The following ROS1 variants were observed in gnomAD, a reference collection of about 807,000 sequenced individuals.
ROS1 encodes proto-oncogene tyrosine-protein kinase ROS.
In ROS1, 263 loss-of-function variants were observed where a neutral mutation model predicts 273.5. The observed-to-expected ratio is 0.96, with a 90% confidence interval of 0.87 to 1.06. The LOEUF is 1.06. Among genes scored for constraint, ROS1 ranks in the 50% least tolerant of loss-of-function variants. The pLI is 0.00. For synonymous variants in ROS1, 1,008 were observed against 954.1 expected (o/e 1.06, Z -1.04); for missense variants, 2,833 against 2,751.1 (o/e 1.03, Z -0.67).
rs113151724 is a variant in ROS1 at position 117,359,782 on chromosome 6, T to C, written c.3633+27A>G. On this transcript the variant is annotated intron_variant, in intron 24 of 43. Transcript: ENST00000368507. ...ATATGCAAATACTTCACTTCCTTTA[T>C]TTCGGAAGAATTACATAGTGAAATA... 9.6e-3 allele frequency: 15,179 copies of C among 1,589,294 alleles called. 86 individuals are homozygous for C. The highest frequency in any genetic ancestry group is 0.012 in the Non-Finnish European group (13,450 of 1,158,386).
At chr6:117,397,557 C>G (rs1322299048) in intron 7 of ROS1, among the ~76,000 whole-genome samples, 1 of 152,138 alleles carries the variant, frequency 6.6e-6, no homozygotes. Flanking sequence ...GGCAGCCTTG[C>G]TGGTTCCAGC....
intron 43 of ROS1, among the ~76,000 whole-genome samples, chr6:117,298,533 A>G (rs1020372788): frequency 1.3e-4 from 20 of 152,190 alleles, no homozygotes; most frequent in Non-Finnish European, 2.2e-4. Flanking sequence ...TAAAGTTTCC[A>G]TATGTGAAGT....
chr6:117,393,024 AAG>A (rs1391505803), intron 12 of ROS1, among the ~76,000 whole-genome samples, 198 bp downstream of exon 12: 1 of 152,202 alleles, frequency 6.6e-6, no homozygotes, highest in African/African-American at 2.4e-5. Flanking sequence ...ACTACTTTAT[AAG>A]AGTTGATTTA....
intron 32 of ROS1, among the ~76,000 whole-genome samples, chr6:117,334,254 A>G (rs1233502620): frequency 6.6e-6 from 1 of 152,174 alleles, no homozygotes; most frequent in African/African-American, 2.4e-5. Context: ...AATAGCTACA[A>G]AGAGAATAAA....
At chr6:117,376,087 A>C (rs1213992602) in intron 18 of ROS1, among the ~76,000 whole-genome samples, 1 of 152,094 alleles carries the variant, frequency 6.6e-6, no homozygotes, top group African/African-American at 2.4e-5. Flanking sequence ...ATCAGAAAAA[A>C]ATCAATAATG....
rs1774090997 is a variant in ROS1 at position 117,403,146 on chromosome 6, A to G, written c.597T>C (p.Pro199=). 6.2e-7 allele frequency: 1 copy of G among 1,613,964 alleles called. No homozygotes were observed. Among genetic ancestry groups the G allele is most frequent in the Non-Finnish European group, 8.5e-7 (1 of 1,179,938 alleles). Residue 199 remains proline (P), a synonymous_variant, in exon 7 of 44, where the codon CCT becomes CCC. Coordinates refer to ENST00000368507, the MANE Select transcript of ROS1 (RefSeq NM_001378902.1). ...AATGTGTGCACACCATACCTCCATG[A>G]GGATGAGTCCTGTAACTGGGACTTG... ...SPPSPSYRTH[P]HGVPETAPLI... is the part of the protein sequence containing the mutation.
chr6:117,363,994 C>A (rs1463474443), intron 21 of ROS1, among the ~76,000 whole-genome samples: 2 of 152,100 alleles, frequency 1.3e-5, no homozygotes, highest in Non-Finnish European at 2.9e-5. Context: ...AGGCAAAGGC[C>A]AAATCTTGTC....
chr6:117,310,244 C>A lies in ROS1; in HGVS notation c.6253G>T (p.Asp2085Tyr), dbSNP rs1775435625. 1.2e-6 allele frequency: 2 copies of A among 1,611,192 alleles called. No individual in the cohort carries two copies. The highest frequency in any genetic ancestry group is 1.1e-5 in the South Asian group (1 of 90,424). Residue 2085 changes from aspartate to tyrosine, a missense_variant, in exon 41 of 44, where the codon GAC becomes TAC. By Grantham distance (160) the Asp-to-Tyr change is radical. Coordinates refer to ENST00000368507, the MANE Select transcript of ROS1 (RefSeq NM_001378902.1). ...TTCACTATCCGTGGACTGGTATAGT[C>A]TTTCACGGAAACAAGGCAATTTCTA... ...AARNCLVSVK[D>Y]YTSPRIVKIG...
intron 12 of ROS1, among the ~76,000 whole-genome samples, chr6:117,391,515 C>T (rs1007107775): frequency 3.9e-5 from 6 of 152,098 alleles, no homozygotes; most frequent in African/African-American, 1.4e-4. Flanking sequence ...TAAGTCTGAA[C>T]TCAATGAGGA....
At chr6:117,412,423 T>A (rs1392376172) in intron 4 of ROS1, among the ~76,000 whole-genome samples, 2 of 152,202 alleles carry the variant, frequency 1.3e-5, no homozygotes, top group African/African-American at 4.8e-5. Context: ...TCACTAGCCA[T>A]CGTCATTTTC....
intron 39 of ROS1, among the ~76,000 whole-genome samples, chr6:117,313,970 C>T (rs750855417): frequency 2.6e-4 from 39 of 152,078 alleles, no homozygotes; most frequent in Admixed American, 1.1e-3. Flanking sequence ...GGAAAGGCTG[C>T]GGAACAGCTG....
intron 18 of ROS1, among the ~76,000 whole-genome samples, chr6:117,375,396 T>A (rs1781240759): frequency 6.8e-6 from 1 of 146,606 alleles, no homozygotes; most frequent in South Asian, 2.4e-4. Context: ...CTAAAGAACT[T>A]ATCCATGTAA....
At chr6:117,393,094 T>A in intron 12 of ROS1, 130 bp downstream of exon 12, 1 of 702,672 alleles carries the variant, frequency 1.4e-6, no homozygotes, top group Non-Finnish European at 2.5e-6. Context: ...CTGAATTTAA[T>A]TAAATTCACC....
Position 117,425,694 on chromosome 6 carries a change from A to C in ROS1, c.-38T>G. On this transcript the variant is annotated 5_prime_UTR_variant, in exon 1 of 44. Coordinates refer to ENST00000368507, the MANE Select transcript of ROS1 (RefSeq NM_001378902.1). ...GGCAGATTTTTAGATGGCCGGTCTA[A>C]TTTTCTCCATTTTGCTATATGAATT... 5.6e-6 allele frequency: 9 copies of C among 1,604,386 alleles called. No homozygotes were observed. The highest frequency in any genetic ancestry group is 7.7e-6 in the Non-Finnish European group (9 of 1,175,248).
intron 42 of ROS1, among the ~76,000 whole-genome samples, chr6:117,305,688 G>C (rs993295149): frequency 6.6e-6 from 1 of 152,168 alleles, no homozygotes; most frequent in Non-Finnish European, 1.5e-5. Context: ...GCAATGGAAT[G>C]AAATGAAGAG....
Position 117,425,841 on chromosome 6 carries a change from A to G in ROS1, c.-185T>C. The G allele has an allele frequency of 1.8e-6, 1 of 560,720 alleles. No individual in the cohort carries two copies. The highest frequency in any genetic ancestry group is 3.4e-5 in the East Asian group (1 of 29,184). The allele number at this position is 560,720 out of a possible 1,614,324, so 34.7% of individuals were successfully genotyped here. A position where few individuals can be genotyped will look rare whatever the true frequency, so the allele number is the denominator to read the frequency against. On this transcript the variant is annotated 5_prime_UTR_variant, in exon 1 of 44. Transcript: ENST00000368507. Reference sequence around the variant, plus strand: ...TAGCCTTTTTCATTTAGACCTTTGAATGCTTGAAAGCTTGTAACAGTTCCA... The same window carrying G: ...TAGCCTTTTTCATTTAGACCTTTGAGTGCTTGAAAGCTTGTAACAGTTCCA...
intron 1 of ROS1, among the ~76,000 whole-genome samples, chr6:117,425,138 C>G (rs1776044115): frequency 6.6e-6 from 1 of 152,122 alleles, no homozygotes; most frequent in Non-Finnish European, 1.5e-5. Flanking sequence ...TCATCCAGCT[C>G]CCTACACAGC....
At chr6:117,390,489 G>A (rs1772981358) in intron 12 of ROS1, among the ~76,000 whole-genome samples, 1 of 151,970 alleles carries the variant, frequency 6.6e-6, no homozygotes, top group African/African-American at 2.4e-5. Flanking sequence ...GGCTAAATAT[G>A]GTATTTACTA....
At chr6:117,319,073 T>C (rs1432986984) in intron 37 of ROS1, among the ~76,000 whole-genome samples, 1 of 152,170 alleles carries the variant, frequency 6.6e-6, no homozygotes, top group African/African-American at 2.4e-5. Flanking sequence ...TCTAGTTGTA[T>C]AGCTCACTCT....
Sources: gnomAD v4.1 joint callset for allele counts (sites outside exome capture counted in the v4.1 genomes callset) on GRCh38, gnomAD v4.1.1 for gene constraint, MANE v1.5 for transcripts, NCBI Gene and HGNC (gene_info 2026-07-23, HGNC 2026-07-21) for gene names.